Variants in ABTB3 observed in about 807,000 individuals in gnomAD.
The protein encoded by ABTB3 is ankyrin repeat and BTB domain containing 3, also known as ankyrin repeat- and BTB/POZ domain-containing protein 3.
the ABTB3 span, among the ~76,000 whole-genome samples, chr12:107,440,445 A>C: frequency 6.6e-6 from 1 of 152,186 alleles, no homozygotes; most frequent in African/African-American, 2.4e-5. Flanking sequence ...TCAGAAGGGC[A>C]CCTGCCTCCT....
At chr12:107,342,409 C>T in the ABTB3 span, among the ~76,000 whole-genome samples, 1 of 152,036 alleles carries the variant, frequency 6.6e-6, no homozygotes, top group Non-Finnish European at 1.5e-5. Context: ...CTGAAAGGAC[C>T]ATGGTGATGC....
At chr12:107,579,041 C>T in the ABTB3 span, among the ~76,000 whole-genome samples, 7 of 152,260 alleles carry the variant, frequency 4.6e-5, no homozygotes, top group Non-Finnish European at 8.8e-5. Flanking sequence ...GCAGAGGCAG[C>T]GGGTAAGGCC....
chr12:107,617,357 A>G, the ABTB3 span: 1 of 1,614,148 alleles, frequency 6.2e-7, no homozygotes, highest in Non-Finnish European at 8.5e-7. Flanking sequence ...CCTGATAGGA[A>G]CCATGTACAG....
the ABTB3 span, among the ~76,000 whole-genome samples, chr12:107,561,754 T>G: frequency 4.9e-4 from 74 of 152,288 alleles, no homozygotes; most frequent in Middle Eastern, 3.4e-3. Context: ...ATTTATTAAT[T>G]TATCGGGTTC....
At chr12:107,544,019 A>T in the ABTB3 span, 8 of 1,613,882 alleles carry the variant, frequency 5.0e-6, no homozygotes, top group African/African-American at 9.3e-5. Flanking sequence ...CACCACAAGC[A>T]GGGGGCACTG....
At chr12:107,645,408 G>C in the ABTB3 span, among the ~76,000 whole-genome samples, 2 of 152,164 alleles carry the variant, frequency 1.3e-5, no homozygotes, top group Admixed American at 1.3e-4. Flanking sequence ...TTACAGACAA[G>C]GGCATGCATT....
At chr12:107,482,507 G>C in the ABTB3 span, among the ~76,000 whole-genome samples, 2 of 152,150 alleles carry the variant, frequency 1.3e-5, no homozygotes, top group African/African-American at 4.8e-5. Flanking sequence ...AGAGGAAAGA[G>C]GACAAGAAGA....
the ABTB3 span, among the ~76,000 whole-genome samples, chr12:107,466,493 G>A: frequency 1.3e-5 from 2 of 151,872 alleles, no homozygotes; most frequent in African/African-American, 4.8e-5. Context: ...AGAGGCAGGT[G>A]TTCTCACATG....
At chr12:107,447,655 C>T in the ABTB3 span, among the ~76,000 whole-genome samples, 7 of 152,156 alleles carry the variant, frequency 4.6e-5, no homozygotes, top group Non-Finnish European at 5.9e-5. Context: ...TGCTTCCCAG[C>T]GCTGTATTAG....
chr12:107,615,506 A>T, the ABTB3 span, among the ~76,000 whole-genome samples: 23 of 152,296 alleles, frequency 1.5e-4, no homozygotes, highest in African/African-American at 5.5e-4. Flanking sequence ...GTTGCTATTG[A>T]TACCTTAGAA....
chr12:107,587,720 G>T, the ABTB3 span, among the ~76,000 whole-genome samples: 1 of 152,144 alleles, frequency 6.6e-6, no homozygotes, highest in Non-Finnish European at 1.5e-5. Flanking sequence ...ACATAGCAGG[G>T]TATACAGTGT....
chr12:107,573,464 C>CGATGGATGGATGGATGGATGGATG, the ABTB3 span, among the ~76,000 whole-genome samples: 3 of 139,618 alleles, frequency 2.1e-5, no homozygotes, highest in East Asian at 6.1e-4. Flanking sequence ...GTGGATGAAT[C>CGATGGATGGATGGATGGATGGATG]GATGGATGGA....
chr12:107,335,162 C>T, the ABTB3 span, among the ~76,000 whole-genome samples: 5 of 151,678 alleles, frequency 3.3e-5, no homozygotes, highest in Admixed American at 3.3e-4. Context: ...TGGCATGCAC[C>T]TGTCATCCCA....
chr12:107,599,762 T>A, the ABTB3 span, among the ~76,000 whole-genome samples: 1 of 151,866 alleles, frequency 6.6e-6, no homozygotes, highest in Non-Finnish European at 1.5e-5. Context: ...TGGAGCCCAA[T>A]AAATATGCAT....
chr12:107,318,825 G>GA, the ABTB3 span: 1 of 1,250,562 alleles, frequency 8.0e-7, no homozygotes, highest in Non-Finnish European at 1.1e-6. Context: ...GCGGCTAGTG[G>GA]AAAAGTGAGC....
the ABTB3 span, among the ~76,000 whole-genome samples, chr12:107,535,090 A>G: frequency 1.3e-5 from 2 of 152,190 alleles, no homozygotes; most frequent in Non-Finnish European, 2.9e-5. Context: ...AACATAATAC[A>G]TCGTAATCTG....
the ABTB3 span, among the ~76,000 whole-genome samples, chr12:107,526,361 G>C: frequency 6.6e-6 from 1 of 152,276 alleles, no homozygotes; most frequent in Non-Finnish European, 1.5e-5. Flanking sequence ...AGTTGACTTA[G>C]AGTTCGGTGG....
At chr12:107,415,225 A>G in the ABTB3 span, among the ~76,000 whole-genome samples, 4 of 152,114 alleles carry the variant, frequency 2.6e-5, no homozygotes, top group Non-Finnish European at 4.4e-5. Flanking sequence ...GCCACTCCAC[A>G]TAAAACTGAG....
chr12:107,482,994 TTCCTTCC>T, the ABTB3 span, among the ~76,000 whole-genome samples: 5,665 of 106,444 alleles, frequency 0.053, 379 homozygotes, highest in African/African-American at 0.079. Context: ...CTTTCCTTCC[TTCCTTCC>T]TTCCTTCTTT....
Sources: gnomAD v4.1 joint callset for allele counts (sites outside exome capture counted in the v4.1 genomes callset) on GRCh38, gnomAD v4.1.1 for gene constraint, MANE v1.5 for transcripts, NCBI Gene and HGNC (gene_info 2026-07-23, HGNC 2026-07-21) for gene names.